ADAT1: variants seen among roughly 807,000 people sequenced by gnomAD.
ADAT1 encodes adenosine deaminase tRNA specific 1.
A neutral mutation model predicts 58.6 loss-of-function variants in ADAT1; 58 were observed. That is an observed-to-expected ratio of 0.99 (90% confidence interval 0.80 to 1.23). The LOEUF is 1.23. Ranked by LOEUF, ADAT1 falls within the 50% of genes most tolerant of loss-of-function variation. The probability of loss-of-function intolerance (pLI) is 0.00; values close to 1 mark genes in which losing one functional copy is unlikely to be tolerated. For missense variants in ADAT1, 741 were observed against 608.6 expected (o/e 1.22, Z -2.29); for synonymous variants, 254 against 220.8 (o/e 1.15, Z -1.33).
intron 8 of ADAT1, 130 bp downstream of exon 8, chr16:75,608,094 A>G: frequency 1.4e-6 from 1 of 702,584 alleles, no homozygotes. Flanking sequence ...GGATGAGGAG[A>G]GGGAGGGATA....
At chr16:75,608,522 T>C in intron 7 of ADAT1, 199 bp from the exon 8 acceptor site, 3 of 583,404 alleles carry the variant, frequency 5.1e-6, no homozygotes, top group Non-Finnish European at 6.0e-6. Context: ...TTATGATAGC[T>C]AACAATCACT....
At chr16:75,614,473 A>G (rs1405245744) in intron 5 of ADAT1, among the ~76,000 whole-genome samples, 2 of 152,226 alleles carry the variant, frequency 1.3e-5, no homozygotes, top group Admixed American at 6.5e-5. Context: ...TTGCTTTTCT[A>G]AAGTGTATAA....
At chr16:75,615,844 A>G (rs1351971952) in intron 5 of ADAT1, among the ~76,000 whole-genome samples, 3 of 152,284 alleles carry the variant, frequency 2.0e-5, no homozygotes, top group Non-Finnish European at 2.9e-5. Flanking sequence ...ATTCATGTGC[A>G]TATTACAGCT....
At chr16:75,608,802 G>A (rs760434551) in intron 7 of ADAT1, 41 bp downstream of exon 7, 1 of 1,590,034 alleles carries the variant, frequency 6.3e-7, no homozygotes, top group Non-Finnish European at 8.5e-7. Flanking sequence ...CTCAGTCAGG[G>A]GAGCAGTTAC....
chr16:75,620,679 G>A lies in ADAT1; in HGVS notation c.121C>T (p.Gln41Ter), dbSNP rs754523448. 6.2e-7 allele frequency: 1 copy of A among 1,613,970 alleles called. No homozygotes were observed. Among genetic ancestry groups the A allele is most frequent in the African/African-American group, 1.3e-5 (1 of 75,034 alleles). ...TCGCAGGCCTTGTCAGCTGGAGATT[G>A]TATCTTCACCACCGCTGCCAATAAT... is the stretch of plus-strand genomic sequence containing the variant. ...WTLLAAVVKI[Q>*]SPADKACDTP... is the part of the protein sequence containing the mutation. Residue 41 changes from glutamine to a stop codon, truncating the protein, a stop_gained, in exon 2 of 10, where the codon CAA (glutamine) becomes TAA (stop). Transcript: ENST00000564657. LOFTEE classifies it high-confidence loss of function.
In ADAT1 at chr16:75,610,541, C is replaced by T. The variant is rs543760554; in HGVS notation, c.1044-1553G>A. On this transcript the variant is annotated intron_variant, in intron 6 of 9. Transcript: ENST00000564657. ...TGAACTCCTGGACTCAAGCAATCTG[C>T]GTGACATGGCCTCCCAAGATGCTAG... 2.1e-3 allele frequency among the ~76,000 whole-genome samples: 322 copies of T among 152,258 alleles called. 1 individual carries two copies. The highest frequency in any genetic ancestry group is 7.4e-3 in the African/African-American group (309 of 41,536).
At chr16:75,615,704 C>T (rs2081689322) in intron 5 of ADAT1, among the ~76,000 whole-genome samples, 1 of 152,012 alleles carries the variant, frequency 6.6e-6, no homozygotes, top group Non-Finnish European at 1.5e-5. Context: ...TGGGATCACC[C>T]CGGTCCTAGC....
At chr16:75,620,438 A>G (rs981764650) in intron 2 of ADAT1, 104 bp from the exon 3 acceptor site, 4 of 1,455,626 alleles carry the variant, frequency 2.7e-6, no homozygotes, top group Non-Finnish European at 3.8e-6. Flanking sequence ...CCAGAGGCCC[A>G]CTCAACCAAG....
intron 8 of ADAT1, among the ~76,000 whole-genome samples, chr16:75,604,456 A>ATATAT (rs1483003835): frequency 6.1e-5 from 3 of 48,784 alleles, no homozygotes; most frequent in African/African-American, 1.4e-4. Context: ...AAAAAAAAAA[A>ATATAT]ATATATATAT....
chr16:75,599,353 A>G lies in ADAT1; in HGVS notation c.*863T>C, dbSNP rs1410898286. 1 of 985,248 alleles carries G rather than the reference A, an allele frequency of 1.0e-6. No individual in the cohort carries two copies. Among genetic ancestry groups the G allele is most frequent in the African/African-American group, 1.7e-5 (1 of 57,310 alleles). 61.0% of individuals were successfully genotyped at this position (985,248 alleles called of 1,614,324 possible). A position where few individuals can be genotyped will look rare whatever the true frequency, so the allele number is the denominator to read the frequency against. Reference sequence around the variant, plus strand: ...TGCCTGGGCTTCCCAAAGTGCTGGGATTACAGGCCTGAGCCACCAAGCCTG... The same window carrying G: ...TGCCTGGGCTTCCCAAAGTGCTGGGGTTACAGGCCTGAGCCACCAAGCCTG... On this transcript the variant is annotated 3_prime_UTR_variant, in exon 10 of 10. Coordinates refer to ENST00000564657, the MANE Select transcript of ADAT1 (RefSeq NM_001324445.2).
At chr16:75,610,486 A>T (rs564207761) in intron 6 of ADAT1, among the ~76,000 whole-genome samples, 2 of 152,116 alleles carry the variant, frequency 1.3e-5, no homozygotes, top group Non-Finnish European at 2.9e-5. Flanking sequence ...TTGTAGAGAC[A>T]GGGTTTCCTC....
Position 75,600,619 on chromosome 16 carries a change from G to A in ADAT1, c.1377-271C>T, listed in dbSNP as rs529090807. Among the ~76,000 whole-genome samples, 275 of 152,300 alleles carry A rather than the reference G, an allele frequency of 1.8e-3. 4 individuals carry two copies. The highest frequency in any genetic ancestry group is 6.3e-3 in the African/African-American group (263 of 41,570). ...CTCTGCAAGCCTGGCTGCTAAAACT[G>A]CCTGCCAGTTTTATCTAACAGCTAC... On this transcript the variant is annotated intron_variant, in intron 9 of 9. Coordinates refer to ENST00000564657, the MANE Select transcript of ADAT1 (RefSeq NM_001324445.2).
chr16:75,611,780 G>A lies in ADAT1; in HGVS notation c.1043+463C>T, dbSNP rs1019268392. Among the ~76,000 whole-genome samples, 26 of 151,984 alleles carry A rather than the reference G, an allele frequency of 1.7e-4. No individual in the cohort carries two copies. In the South Asian group the frequency reaches 2.7e-3, roughly 16 times the overall value. On this transcript the variant is annotated intron_variant, in intron 6 of 9. Transcript: ENST00000564657. ...TTCTTCTTTAAAAAAATTATTAGCC[G>A]GGCGCGGTGGCTCACACCTGTAATC...
Position 75,620,205 on chromosome 16 carries a change from G to C in ADAT1, c.238+61C>G, listed in dbSNP as rs2081886475. 9.8e-6 allele frequency: 15 copies of C among 1,533,352 alleles called. No homozygotes were observed. The South Asian group carries it at 1.5e-4, about 15-fold the overall frequency. The allele number at this position is 1,533,352 out of a possible 1,614,324, so 95.0% of individuals were successfully genotyped here. ...CATGGCCCCTCTTCCCTGACAAGGA[G>C]AGTAAAACATGGACACTGGTTTCAA... On this transcript the variant is annotated intron_variant, in intron 3 of 9. Transcript: ENST00000564657.
At chr16:75,609,225 G>C (rs927419258) in intron 6 of ADAT1, among the ~76,000 whole-genome samples, 3 of 152,216 alleles carry the variant, frequency 2.0e-5, no homozygotes, top group Non-Finnish European at 4.4e-5. Context: ...CTTCAGGGAT[G>C]TAACACCAAA....
Position 75,599,178 on chromosome 16 carries a change from T to A in ADAT1, c.*1038A>T. 1.1e-6 allele frequency: 1 copy of A among 930,200 alleles called. No homozygotes were observed. The highest frequency in any genetic ancestry group is 1.3e-6 in the Non-Finnish European group (1 of 783,016). 57.6% of individuals were successfully genotyped at this position (930,200 alleles called of 1,614,324 possible). On this transcript the variant is annotated 3_prime_UTR_variant, in exon 10 of 10. Transcript: ENST00000564657. ...CTCACCACTACCTCCGCCTCCTGGG[T>A]TCAAGCAATTCTCCTGCCTCAGCCT...
chr16:75,613,223 T>C (rs942060635), intron 5 of ADAT1, among the ~76,000 whole-genome samples: 12 of 152,218 alleles, frequency 7.9e-5, no homozygotes, highest in African/African-American at 2.4e-4. Context: ...AATGGAATAT[T>C]TTAACAAAGA....
At chr16:75,617,337 T>A (rs2081767092) in intron 4 of ADAT1, 65 bp from the exon 5 acceptor site, 3 of 1,565,916 alleles carry the variant, frequency 1.9e-6, no homozygotes, top group Non-Finnish European at 2.6e-6. Context: ...AAGCCTCTGG[T>A]TGGGTGATTA....
intron 3 of ADAT1, among the ~76,000 whole-genome samples, chr16:75,619,227 A>T (rs989257228): frequency 1.3e-4 from 20 of 152,056 alleles, no homozygotes; most frequent in African/African-American, 4.8e-4. Flanking sequence ...AGAGGTAAAG[A>T]CCCCAGATCT....
Sources: allele counts gnomAD v4.1 joint callset (sites outside exome capture counted in the v4.1 genomes callset), GRCh38; gene constraint gnomAD v4.1.1; transcripts MANE v1.5; gene names NCBI Gene and HGNC (gene_info 2026-07-23, HGNC 2026-07-21).